The following SPATS2L variants were observed in gnomAD, a reference collection of about 807,000 sequenced individuals.
SPATS2L encodes SPATS2-like protein.
A neutral mutation model predicts 59.6 loss-of-function variants in SPATS2L; 30 were observed. The observed-to-expected ratio is 0.50, with a 90% confidence interval of 0.38 to 0.68. SPATS2L has a LOEUF of 0.68. Among genes scored for constraint, SPATS2L ranks in the 30% least tolerant of loss-of-function variants. The pLI is 0.00. For missense variants in SPATS2L, 615 were observed against 700.0 expected (o/e 0.88, Z 1.37); for synonymous variants, 252 against 263.5 (o/e 0.96, Z 0.42).
At chr2:200,378,625 A>G (rs2081684474) in intron 2 of SPATS2L, among the ~76,000 whole-genome samples, 1 of 152,138 alleles carries the variant, frequency 6.6e-6, no homozygotes, top group Non-Finnish European at 1.5e-5. Flanking sequence ...AAAATTATTA[A>G]ATGTTTACTA....
intron 10 of SPATS2L, among the ~76,000 whole-genome samples, chr2:200,469,140 C>T (rs1031091972): frequency 1.3e-5 from 2 of 152,186 alleles, no homozygotes; most frequent in African/African-American, 4.8e-5. Flanking sequence ...AGAATTTGAC[C>T]AGTGCCTCGT....
intron 3 of SPATS2L, among the ~76,000 whole-genome samples, chr2:200,394,606 C>T (rs754513569): frequency 2.0e-5 from 3 of 152,140 alleles, no homozygotes; most frequent in Non-Finnish European, 4.4e-5. Context: ...TGAATGGACA[C>T]GCCTGCTTGA....
chr2:200,379,877 T>C (rs182861641), intron 2 of SPATS2L, among the ~76,000 whole-genome samples: 1 of 152,288 alleles, frequency 6.6e-6, no homozygotes, highest in East Asian at 1.9e-4. Flanking sequence ...CATCGCATCT[T>C]GAAAGAACCG....
chr2:200,409,827 A>G (rs2082813450), intron 3 of SPATS2L, among the ~76,000 whole-genome samples: 1 of 152,192 alleles, frequency 6.6e-6, no homozygotes, highest in Non-Finnish European at 1.5e-5. Context: ...AAGGATAGAA[A>G]ATGTTTTCTG....
At chr2:200,345,169 G>A (rs191070529) in intron 2 of SPATS2L, among the ~76,000 whole-genome samples, 2 of 152,264 alleles carry the variant, frequency 1.3e-5, no homozygotes, top group Non-Finnish European at 2.9e-5. Context: ...TAAGAGGATT[G>A]CCTAGGTTGT....
intron 6 of SPATS2L, among the ~76,000 whole-genome samples, chr2:200,425,867 T>C (rs1380386716): frequency 1.3e-5 from 2 of 152,042 alleles, no homozygotes; most frequent in East Asian, 1.9e-4. Flanking sequence ...AAAGGCAGCA[T>C]GTAGAAGGGC....
In SPATS2L at chr2:200,479,594, A is replaced by G; in HGVS notation, c.*1563A>G. On this transcript the variant is annotated 3_prime_UTR_variant, in exon 13 of 13. Coordinates refer to ENST00000409140, the MANE Select transcript of SPATS2L (RefSeq NM_001100423.2). ...GGATACCCAATGGCCCAAACCCAAA[A>G]TAGCCCCAGTTCCCCTAACTTTGAC... The G allele has an allele frequency of 2.5e-6, 1 of 398,636 alleles. No individual in the cohort carries two copies. Among genetic ancestry groups the G allele is most frequent in the Non-Finnish European group, 4.4e-6 (1 of 226,080 alleles). The allele number at this position is 398,636 out of a possible 1,614,324, so 24.7% of individuals were successfully genotyped here.
At chr2:200,432,969 T>G (rs2084038851) in intron 6 of SPATS2L, among the ~76,000 whole-genome samples, 1 of 151,842 alleles carries the variant, frequency 6.6e-6, no homozygotes. Context: ...CTCACATAGG[T>G]GTAATTAGAG....
intron 6 of SPATS2L, among the ~76,000 whole-genome samples, chr2:200,437,413 C>T (rs1241088392): frequency 6.6e-6 from 1 of 152,134 alleles, no homozygotes; most frequent in Non-Finnish European, 1.5e-5. Context: ...ACAGAATCAC[C>T]TGGGGAGGAG....
intron 3 of SPATS2L, among the ~76,000 whole-genome samples, chr2:200,396,031 A>AAAAAAAAAAAAAAAT (rs2082329816): frequency 3.2e-5 from 1 of 30,958 alleles, no homozygotes; most frequent in Non-Finnish European, 6.8e-5. Flanking sequence ...AAAAAAAAAA[A>AAAAAAAAAAAAAAAT]AAATATATAT....
chr2:200,327,767 CAA>C (rs2079802733), intron 1 of SPATS2L, among the ~76,000 whole-genome samples: 1 of 152,044 alleles, frequency 6.6e-6, no homozygotes, highest in South Asian at 2.1e-4. Context: ...TTTGTGAAAG[CAA>C]ATGTATCTAG....
chr2:200,392,491 G>T (rs2082202208), intron 3 of SPATS2L, among the ~76,000 whole-genome samples: 1 of 152,074 alleles, frequency 6.6e-6, no homozygotes, highest in Non-Finnish European at 1.5e-5. Context: ...GAGTAAATGT[G>T]TTCCCTGAGT....
At chr2:200,467,676 C>T (rs1468286047) in intron 10 of SPATS2L, among the ~76,000 whole-genome samples, 1 of 152,128 alleles carries the variant, frequency 6.6e-6, no homozygotes, top group African/African-American at 2.4e-5. Context: ...TTGGCCAGGC[C>T]ATGAATTATA....
At chr2:200,416,329 T>G in intron 4 of SPATS2L, 50 bp from the exon 5 acceptor site, 15 of 895,888 alleles carry the variant, frequency 1.7e-5, no homozygotes, top group Non-Finnish European at 2.2e-5. Flanking sequence ...GAATTTTGTG[T>G]GGTGTTTTAT....
Position 200,412,397 on chromosome 2 carries a change from A to G in SPATS2L, c.126A>G (p.Lys42=), listed in dbSNP as rs1192789765. The G allele has an allele frequency of 1.2e-6, 2 of 1,603,480 alleles. No individual in the cohort carries two copies. Among genetic ancestry groups the G allele is most frequent in the Admixed American group, 3.4e-5 (2 of 59,112 alleles). Residue 42 remains lysine (K), a synonymous_variant, in exon 4 of 13, where the codon AAA becomes AAG. Coordinates refer to ENST00000409140, the MANE Select transcript of SPATS2L (RefSeq NM_001100423.2). The part of the protein sequence containing the change: ...VLQQFDFNVD[K]AVQAFVDGSA... Reference sequence around the variant, plus strand: ...AACAGTTTGATTTTAATGTGGATAAAGCCGTGCAAGCCTTTGTGGATGGTA... The same window carrying G: ...AACAGTTTGATTTTAATGTGGATAAGGCCGTGCAAGCCTTTGTGGATGGTA...
chr2:200,471,996 C>T (rs2087079597), intron 11 of SPATS2L, among the ~76,000 whole-genome samples: 1 of 152,210 alleles, frequency 6.6e-6, no homozygotes, highest in African/African-American at 2.4e-5. Flanking sequence ...AGTTCTGATT[C>T]AGTGTAATCA....
rs1312987212 is a variant in SPATS2L at position 200,439,123 on chromosome 2, A to C, written c.447A>C (p.Glu149Asp). Residue 149 changes from glutamate to aspartate, a missense_variant and splice_region_variant, in exon 7 of 13, where the codon GAA becomes GAC. Glu to Asp is a conservative substitution (Grantham distance 45). This residue lies in a region of SPATS2L where 227 missense variants were observed against 257.4 expected (regional missense o/e 0.88). Transcript: ENST00000409140. ...TCATTATTTGGTGTTTTCTTACAGA[A>C]GGCAACAGACTACTGCAACAGAAAC... ...EPSKALRGVTEGNRLLQQKLS... is the reference protein window; with the variant it reads ...EPSKALRGVTDGNRLLQQKLS... 6.2e-7 allele frequency: 1 copy of C among 1,612,768 alleles called. No homozygotes were observed. The highest frequency in any genetic ancestry group is 1.7e-5 in the Admixed American group (1 of 59,950).
At position 200,479,438 on chromosome 2, in the gene SPATS2L, G is replaced by C. The variant is rs922000773; in HGVS notation, c.*1407G>C. The C allele has an allele frequency of 1.0e-5, 4 of 397,676 alleles. No individual in the cohort carries two copies. Among genetic ancestry groups the C allele is most frequent in the Non-Finnish European group, 1.8e-5 (4 of 225,980 alleles). 24.6% of individuals were successfully genotyped at this position (397,676 alleles called of 1,614,324 possible). On this transcript the variant is annotated 3_prime_UTR_variant, in exon 13 of 13. Transcript: ENST00000409140. ...TGTCTCTTAAACCAATCATGAAAGG[G>C]GGGAGAGAAGTGAATGGGATGAACT... is the stretch of plus-strand genomic sequence containing the variant.
At chr2:200,417,852 A>G (rs1011572483) in intron 5 of SPATS2L, among the ~76,000 whole-genome samples, 2 of 152,138 alleles carry the variant, frequency 1.3e-5, no homozygotes, top group Non-Finnish European at 2.9e-5. Flanking sequence ...GCTGGCACGC[A>G]CTCATTCAGC....
Sources: gnomAD v4.1 joint callset for allele counts (sites outside exome capture counted in the v4.1 genomes callset) on GRCh38, gnomAD v4.1.1 for gene constraint, gnomAD v4.1.1 regional missense constraint, MANE v1.5 for transcripts, NCBI Gene and HGNC (gene_info 2026-07-23, HGNC 2026-07-21) for gene names.